Variants in MAN1A1 observed in about 807,000 individuals in gnomAD.
MAN1A1 encodes mannosyl-oligosaccharide 1,2-alpha-mannosidase IA.
A neutral mutation model predicts 70.8 loss-of-function variants in MAN1A1; 29 were observed. The ratio of observed to expected loss-of-function variants is 0.41; its 90% CI spans 0.31 to 0.56. The LOEUF (loss-of-function observed/expected upper bound fraction) is 0.56. Among genes scored for constraint, MAN1A1 ranks in the 20% least tolerant of loss-of-function variants. The probability of loss-of-function intolerance (pLI) is 0.29; values close to 1 mark genes in which losing one functional copy is unlikely to be tolerated. For synonymous variants in MAN1A1, 349 were observed against 330.1 expected (o/e 1.06, Z -0.62); for missense variants, 747 against 841.3 (o/e 0.89, Z 1.39).
chr6:119,281,096 G>T (rs1160690032), intron 5 of MAN1A1, among the ~76,000 whole-genome samples: 5 of 152,178 alleles, frequency 3.3e-5, no homozygotes, highest in African/African-American at 9.7e-5. Flanking sequence ...AGAGTAGAAG[G>T]TATTTTCAGG....
intron 2 of MAN1A1, among the ~76,000 whole-genome samples, chr6:119,317,183 T>C (rs1314613002): frequency 6.6e-6 from 1 of 152,104 alleles, no homozygotes; most frequent in Non-Finnish European, 1.5e-5. Flanking sequence ...CTCCTCACTA[T>C]CAACATTACG....
intron 2 of MAN1A1, among the ~76,000 whole-genome samples, chr6:119,329,565 T>A (rs1773251215): frequency 6.6e-6 from 1 of 152,188 alleles, no homozygotes; most frequent in African/African-American, 2.4e-5. Flanking sequence ...TCTTCCTTGA[T>A]AGGTCAATCT....
chr6:119,204,639 G>T, intron 7 of MAN1A1, 120 bp downstream of exon 7: 1 of 1,253,672 alleles, frequency 8.0e-7, no homozygotes. Context: ...CAAAACTTCA[G>T]AAAGAGCTAT....
At chr6:119,223,826 T>C (rs999520197) in intron 6 of MAN1A1, among the ~76,000 whole-genome samples, 2 of 152,158 alleles carry the variant, frequency 1.3e-5, no homozygotes, top group African/African-American at 4.8e-5. Flanking sequence ...ACTCCAGTAA[T>C]AGCAATTATA....
intron 5 of MAN1A1, among the ~76,000 whole-genome samples, chr6:119,256,115 C>T (rs1175219818): frequency 6.6e-6 from 1 of 152,054 alleles, no homozygotes; most frequent in Non-Finnish European, 1.5e-5. Context: ...ACATGCTATC[C>T]TGCCAATAAC....
intron 4 of MAN1A1, among the ~76,000 whole-genome samples, chr6:119,291,873 G>A (rs116968561): frequency 0.028 from 4,248 of 152,032 alleles, 92 homozygotes; most frequent in Non-Finnish European, 0.045. Context: ...AACGTGCCAG[G>A]TCCTGTGCTA....
At chr6:119,231,299 T>C (rs1297430683) in intron 6 of MAN1A1, among the ~76,000 whole-genome samples, 1 of 152,044 alleles carries the variant, frequency 6.6e-6, no homozygotes, top group Non-Finnish European at 1.5e-5. Flanking sequence ...ATGCTGTTCT[T>C]GTGATAGTGA....
At chr6:119,310,991 C>T (rs919741613) in intron 2 of MAN1A1, among the ~76,000 whole-genome samples, 1 of 152,104 alleles carries the variant, frequency 6.6e-6, no homozygotes, top group African/African-American at 2.4e-5. Context: ...GGGTCACGGG[C>T]GAACGCATAT....
chr6:119,189,990 AG>A (rs1252754322), intron 9 of MAN1A1, 107 bp from the exon 10 acceptor site: 19 of 868,668 alleles, frequency 2.2e-5, no homozygotes, highest in Non-Finnish European at 3.0e-5. Context: ...TGACAATCAG[AG>A]TTTGGTGTTA....
chr6:119,201,965 A>G (rs535064761), intron 7 of MAN1A1, among the ~76,000 whole-genome samples: 40 of 152,308 alleles, frequency 2.6e-4, no homozygotes, highest in Admixed American at 1.7e-3. Flanking sequence ...ATGAGTTAGT[A>G]AGTGAGTAAT....
At chr6:119,189,050 T>C (rs1213430664) in intron 10 of MAN1A1, among the ~76,000 whole-genome samples, 2 of 152,232 alleles carry the variant, frequency 1.3e-5, no homozygotes, top group Admixed American at 1.3e-4. Context: ...AAACATCATG[T>C]AATATATAAT....
At chr6:119,294,368 G>T (rs1007778560) in intron 4 of MAN1A1, among the ~76,000 whole-genome samples, 10 of 152,030 alleles carry the variant, frequency 6.6e-5, no homozygotes, top group Admixed American at 2.0e-4. Flanking sequence ...AATGACAGAG[G>T]GGGTATTTGC....
chr6:119,340,616 C>T (rs1184265550), intron 2 of MAN1A1, among the ~76,000 whole-genome samples: 1 of 152,172 alleles, frequency 6.6e-6, no homozygotes, highest in Non-Finnish European at 1.5e-5. Context: ...CACAGACAAA[C>T]AGGCACCAGC....
chr6:119,233,945 GACC>G (rs1028070631), intron 6 of MAN1A1, among the ~76,000 whole-genome samples: 1 of 152,326 alleles, frequency 6.6e-6, no homozygotes, highest in Admixed American at 6.5e-5. Flanking sequence ...GCTGGACAGT[GACC>G]ACAATAATAT....
chr6:119,285,525 T>G (rs756379534), intron 5 of MAN1A1, among the ~76,000 whole-genome samples: 1 of 152,176 alleles, frequency 6.6e-6, no homozygotes, highest in Non-Finnish European at 1.5e-5. Flanking sequence ...TCCTTTTAAC[T>G]ATATTGCATA....
chr6:119,250,189 C>T (rs1218655080), intron 5 of MAN1A1, among the ~76,000 whole-genome samples: 1 of 152,214 alleles, frequency 6.6e-6, no homozygotes, highest in Admixed American at 6.5e-5. Flanking sequence ...CACTGCCCAG[C>T]CATCTGTTGA....
intron 6 of MAN1A1, among the ~76,000 whole-genome samples, chr6:119,221,667 G>A (rs1774364927): frequency 6.6e-6 from 1 of 151,840 alleles, no homozygotes; most frequent in Non-Finnish European, 1.5e-5. Flanking sequence ...TGGCCAGGCT[G>A]GTCTCAAACT....
chr6:119,237,587 C>A (rs1249462173), intron 6 of MAN1A1, among the ~76,000 whole-genome samples: 1 of 152,090 alleles, frequency 6.6e-6, no homozygotes, highest in Non-Finnish European at 1.5e-5. Flanking sequence ...AGGTCTAAAT[C>A]AAACATAGTG....
At chr6:119,249,642 A>G (rs1420502025) in intron 5 of MAN1A1, among the ~76,000 whole-genome samples, 2 of 152,110 alleles carry the variant, frequency 1.3e-5, no homozygotes, top group Non-Finnish European at 2.9e-5. Context: ...TCGACAAAGA[A>G]GTCACGTGTG....
Sources: allele counts gnomAD v4.1 joint callset (sites outside exome capture counted in the v4.1 genomes callset), GRCh38; gene constraint gnomAD v4.1.1; transcripts MANE v1.5; gene names NCBI Gene and HGNC (gene_info 2026-07-23, HGNC 2026-07-21).